Variants in TAP2 observed in about 807,000 individuals in gnomAD.
TAP2 encodes antigen peptide transporter 2.
Under a neutral mutation model 74.7 loss-of-function variants are expected in TAP2, and 49 were observed. The ratio of observed to expected loss-of-function variants is 0.66; its 90% CI spans 0.52 to 0.83. TAP2 has a LOEUF of 0.83. TAP2 is among the 40% of genes least tolerant of loss of function. The pLI is 0.00. For missense variants in TAP2, 739 were observed against 859.0 expected (o/e 0.86, Z 1.75); for synonymous variants, 306 against 368.4 (o/e 0.83, Z 1.94).
At chr6:32,822,322 G>T, downstream of TAP2, 1 of 1,326,724 alleles carries the variant, frequency 7.5e-7, no homozygotes, top group Non-Finnish European at 1.0e-6. Context: ...GGGTTTTCTA[G>T]AAAAAAAAAA....
At position 32,825,918 on chromosome 6, in the gene TAP2, G is replaced by T. The variant is rs931276673; in HGVS notation, c.*2988C>A. The T allele has an allele frequency of 4.6e-6, 4 of 869,214 alleles. No homozygotes were observed. The highest frequency in any genetic ancestry group is 5.5e-6 in the Non-Finnish European group (4 of 724,530). 53.8% of individuals were successfully genotyped at this position (869,214 alleles called of 1,614,324 possible). ...ACATAGAATTATCTTGAAAAATAAGGTAAGAAGACAGGTTTCAGATACTTG... is the reference window on the plus strand; with the variant it reads ...ACATAGAATTATCTTGAAAAATAAGTTAAGAAGACAGGTTTCAGATACTTG... On this transcript the variant is annotated 3_prime_UTR_variant, in exon 12 of 12. Transcript: ENST00000374897.
In TAP2 at chr6:32,825,890, G is replaced by T; in HGVS notation, c.*3016C>A. 1 of 705,624 alleles carries T rather than the reference G, an allele frequency of 1.4e-6. No homozygotes were observed. The highest frequency in any genetic ancestry group is 1.7e-6 in the Non-Finnish European group (1 of 575,264). 43.7% of individuals were successfully genotyped at this position (705,624 alleles called of 1,614,324 possible). On this transcript the variant is annotated 3_prime_UTR_variant, in exon 12 of 12. Transcript: ENST00000374897. ...TCTTAGAATTGAGATAGTAATACCT[G>T]CCACATAGAATTATCTTGAAAAATA... is the stretch of plus-strand genomic sequence containing the variant.
downstream of TAP2, among the ~76,000 whole-genome samples, chr6:32,824,443 C>T (rs1221257913): frequency 1.3e-5 from 2 of 152,032 alleles, no homozygotes; most frequent in Non-Finnish European, 2.9e-5. Context: ...TTATGAAGGG[C>T]ATATAACTGG....
chr6:32,829,456 G>A lies in TAP2; in HGVS notation c.1876C>T (p.Arg626Trp), dbSNP rs779709832. 6.8e-6 allele frequency: 11 copies of A among 1,613,444 alleles called. No individual in the cohort carries two copies. The highest frequency in any genetic ancestry group is 5.0e-5 in the Admixed American group (3 of 59,946). Residue 626 changes from arginine to tryptophan, a missense_variant, in exon 11 of 12, where the codon CGG (arginine) becomes TGG (tryptophan). By Grantham distance (101) the Arg-to-Trp change is moderately radical. Transcript: ENST00000374897. The stretch of plus-strand genomic sequence containing the variant: ...GTAGCCTCATCCAGGATGAGGACCC[G>A]CGGGTCTCGTACAAGGGCCCGGGCA... ...AIARALVRDP[R>W]VLILDEATSA...
rs1768694552 is a variant in TAP2, at chr6:32,827,031, C to T, written c.*1875G>A. 3.0e-6 allele frequency: 3 copies of T among 985,320 alleles called. No individual in the cohort carries two copies. Among genetic ancestry groups the T allele is most frequent in the Non-Finnish European group, 3.6e-6 (3 of 829,928 alleles). 61.0% of individuals were successfully genotyped at this position (985,320 alleles called of 1,614,324 possible). A position where few individuals can be genotyped will look rare whatever the true frequency, so the allele number is the denominator to read the frequency against. On this transcript the variant is annotated 3_prime_UTR_variant, in exon 12 of 12. Transcript: ENST00000374897. Reference sequence around the variant, plus strand: ...ATGGGTGTGGAGCTGCAAGTCAGCCCCAGGATGAAAGAAAGGCAAATCTGC... The same window carrying T: ...ATGGGTGTGGAGCTGCAAGTCAGCCTCAGGATGAAAGAAAGGCAAATCTGC...
At chr6:32,830,534 G>A in intron 8 of TAP2, 84 bp downstream of exon 8, 2 of 1,599,934 alleles carry the variant, frequency 1.3e-6, no homozygotes, top group Non-Finnish European at 1.7e-6. Context: ...GGTTCTCAGA[G>A]GCAAATGAAC....
Position 32,832,312 on chromosome 6 carries a change from C to T in TAP2, c.1272+21G>A. On this transcript the variant is annotated intron_variant, in intron 7 of 11. Coordinates refer to ENST00000374897, the MANE Select transcript of TAP2 (RefSeq NM_001290043.2). This position sits in a 1 kb window ranked among gnomAD's most constrained non-coding sequence, Gnocchi z 5.9. ...GAAAAAGAGAGGGAAAAAAGGAGAG[C>T]AGGCTTGGCTTCTCGCTCACCTGCA... 6.2e-7 allele frequency: 1 copy of T among 1,612,954 alleles called. No individual in the cohort carries two copies. The highest frequency in any genetic ancestry group is 8.5e-7 in the Non-Finnish European group (1 of 1,180,010).
downstream of TAP2, among the ~76,000 whole-genome samples, chr6:32,824,434 T>C (rs1253579681): frequency 1.3e-5 from 2 of 152,162 alleles, no homozygotes; most frequent in East Asian, 1.9e-4. Flanking sequence ...CTTGTGATCT[T>C]ATGAAGGGCA....
In TAP2 at chr6:32,837,611, G is replaced by A. The variant is rs1769501152; in HGVS notation, c.534C>T (p.Asp178=). 1 of 1,614,148 alleles carries A rather than the reference G, an allele frequency of 6.2e-7. No individual in the cohort carries two copies. The highest frequency in any genetic ancestry group is 2.2e-5 in the East Asian group (1 of 44,886). ...LIPHYSGRVI[D]ILGGDFDPHA... is the part of the protein sequence containing the mutation. ...GGGGGTCAAAATCACCTCCCAGGAT[G>A]TCAATCACACGACCAGAATAGTGAG... The change falls in exon 3 of 12, where the codon GAC becomes GAT. Residue 178 remains aspartate (D), a synonymous_variant. Transcript: ENST00000374897.
In TAP2 at chr6:32,830,358, A is replaced by C; in HGVS notation, c.1544T>G (p.Leu515Arg). 1.2e-6 allele frequency: 2 copies of C among 1,613,076 alleles called. No individual in the cohort carries two copies. The highest frequency in any genetic ancestry group is 1.7e-6 in the Non-Finnish European group (2 of 1,180,022). The change falls in exon 9 of 12, where the codon CTG becomes CGG. Residue 515 changes from leucine to arginine, a missense_variant. By Grantham distance (102) the Leu-to-Arg change is moderately radical. Transcript: ENST00000374897. ...TGTGGGCTGGTACAGATTCTGCAGC[A>C]GGGCAGCCACTGTGCTCTTCCCAGA... ...NGSGKSTVAA[L>R]LQNLYQPTGG...
At chr6:32,833,406 G>A (rs1369653790) in intron 5 of TAP2, among the ~76,000 whole-genome samples, 1 of 152,030 alleles carries the variant, frequency 6.6e-6, no homozygotes, top group African/African-American at 2.4e-5. Flanking sequence ...ATATCTGATA[G>A]GAAATTAATA....
rs919087105 is a variant in TAP2 at position 32,835,908 on chromosome 6, G to T, written c.609-135C>A. On this transcript the variant is annotated intron_variant, in intron 3 of 11. Transcript: ENST00000374897. This position sits in a 1 kb window ranked among gnomAD's most constrained non-coding sequence, Gnocchi z 4.0. ...CATGCCAGGAGGGGCAAAAGAGAAA[G>T]AAATGAGAGACAGACACACAGAGAG... 2.8e-6 allele frequency: 3 copies of T among 1,062,490 alleles called. No individual in the cohort carries two copies. Among genetic ancestry groups the T allele is most frequent in the African/African-American group, 3.1e-5 (2 of 63,826 alleles). The allele number at this position is 1,062,490 out of a possible 1,614,324, so 65.8% of individuals were successfully genotyped here.
In TAP2 at chr6:32,830,389, T is replaced by G. The variant is rs1366181760; in HGVS notation, c.1513A>C (p.Asn505His). Residue 505 changes from asparagine to histidine, a missense_variant, in exon 9 of 12, where the codon AAT (asparagine) becomes CAT (histidine). Transcript: ENST00000374897. ...PGEVTALVGP[N>H]GSGKSTVAAL... ...GCCACTGTGCTCTTCCCAGACCCATTGGGTCCCACCAGCGCCGTCACCTCA... is the reference window on the plus strand; with the variant it reads ...GCCACTGTGCTCTTCCCAGACCCATGGGGTCCCACCAGCGCCGTCACCTCA... 6.2e-7 allele frequency: 1 copy of G among 1,613,052 alleles called. No homozygotes were observed. The highest frequency in any genetic ancestry group is 8.5e-7 in the Non-Finnish European group (1 of 1,180,014).
At position 32,832,265 on chromosome 6, in the gene TAP2, C is replaced by T. The variant is rs1769126557; in HGVS notation, c.1272+68G>A. 2 of 1,609,188 alleles carry T rather than the reference C, an allele frequency of 1.2e-6. No individual in the cohort carries two copies. The highest frequency in any genetic ancestry group is 2.2e-5 in the East Asian group (1 of 44,880). On this transcript the variant is annotated intron_variant, in intron 7 of 11. Coordinates refer to ENST00000374897, the MANE Select transcript of TAP2 (RefSeq NM_001290043.2). The surrounding 1 kb of genome is among the most constrained non-coding windows in gnomAD (Gnocchi z 5.9). ...TATTGTTAAAAAGAACAAATAAAGC[C>T]CAAGGCCCAGGAGTCCACAAAGAAA...
Position 32,828,675 on chromosome 6 carries a change from G to GCCGGC in TAP2, c.*230_*231insGCCGG. ...GAATTAAGTTTCCTGGACACAGACA[G>GCCGGC]CCCCCACCCCACCCCACCCCACCTC... On this transcript the variant is annotated 3_prime_UTR_variant, in exon 12 of 12. Transcript: ENST00000374897. 3.4e-6 allele frequency: 3 copies of GCCGGC among 884,276 alleles called. No individual in the cohort carries two copies. Among genetic ancestry groups the GCCGGC allele is most frequent in the Non-Finnish European group, 4.1e-6 (3 of 735,238 alleles). 54.8% of individuals were successfully genotyped at this position (884,276 alleles called of 1,614,324 possible).
chr6:32,829,014 A>G lies in TAP2; in HGVS notation c.1953T>C (p.Arg651=), dbSNP rs1383323157. Residue 651 remains arginine (R), a synonymous_variant, in exon 12 of 12, where the codon CGT becomes CGC. Transcript: ENST00000374897. ...CEQALQDWNS[R]GDRTVLVIAH... is the part of the protein sequence containing the mutation. Reference sequence around the variant, plus strand: ...CAATCACCAGCACTGTGCGATCCCCACGGGAATTCCAGTCCTGCAGCTGAA... The same window carrying G: ...CAATCACCAGCACTGTGCGATCCCCGCGGGAATTCCAGTCCTGCAGCTGAA... 1 of 1,550,272 alleles carries G rather than the reference A, an allele frequency of 6.5e-7. No individual in the cohort carries two copies. The highest frequency in any genetic ancestry group is 8.7e-7 in the Non-Finnish European group (1 of 1,147,026).
At position 32,838,292 on chromosome 6, in the gene TAP2, C is replaced by G. The variant is rs562080903; in HGVS notation, c.-4-55G>C. 4.0e-6 allele frequency: 6 copies of G among 1,501,572 alleles called. No homozygotes were observed. In the South Asian group the frequency reaches 6.8e-5, roughly 17 times the overall value. 93.0% of individuals were successfully genotyped at this position (1,501,572 alleles called of 1,614,324 possible). A position where few individuals can be genotyped will look rare whatever the true frequency, so the allele number is the denominator to read the frequency against. On this transcript the variant is annotated intron_variant, in intron 1 of 11. Coordinates refer to ENST00000374897, the MANE Select transcript of TAP2 (RefSeq NM_001290043.2). ...GGGGGTGGAGTCCCAATCCTTGTCC[C>G]TGCCCTCCTACCCGCCCGGCTCCGC... is the stretch of plus-strand genomic sequence containing the variant.
rs1473359173 is a variant in TAP2 at position 32,832,424 on chromosome 6, C to A, written c.1181G>T (p.Cys394Phe). 6.2e-7 allele frequency: 1 copy of A among 1,612,936 alleles called. No homozygotes were observed. The highest frequency in any genetic ancestry group is 1.1e-5 in the South Asian group (1 of 91,046). The change falls in exon 7 of 12, where the codon TGT becomes TTT. Residue 394 changes from cysteine (C) to phenylalanine (F), a missense_variant. Cys to Phe is a radical substitution (Grantham distance 205). Transcript: ENST00000374897. This position sits in a 1 kb window ranked among gnomAD's most constrained non-coding sequence, Gnocchi z 5.9. Reference sequence around the variant, plus strand: ...CCCATCCTGCATCTGCTGCAGCCCACAGCTCAGCATCAGCATCTGCACCCC... The same window carrying A: ...CCCATCCTGCATCTGCTGCAGCCCAAAGCTCAGCATCAGCATCTGCACCCC... ...HLGVQMLMLSCGLQQMQDGEL... is the reference protein window; with the variant it reads ...HLGVQMLMLSFGLQQMQDGEL...
chr6:32,835,798 G>C lies in TAP2; in HGVS notation c.609-25C>G, dbSNP rs558989206. On this transcript the variant is annotated intron_variant, in intron 3 of 11. Coordinates refer to ENST00000374897, the MANE Select transcript of TAP2 (RefSeq NM_001290043.2). This position sits in a 1 kb window ranked among gnomAD's most constrained non-coding sequence, Gnocchi z 4.0. ...GCTGTGGGGTAGGAGAATAAGAGGG[G>C]AGGGAGATGCAGAGAAGGAGCAAGC... 3 of 1,613,098 alleles carry C rather than the reference G, an allele frequency of 1.9e-6. No homozygotes were observed. The highest frequency in any genetic ancestry group is 1.3e-5 in the African/African-American group (1 of 75,036).
Sources: allele counts gnomAD v4.1 joint callset (sites outside exome capture counted in the v4.1 genomes callset), GRCh38; gene constraint gnomAD v4.1.1; non-coding constraint Gnocchi (gnomAD v3.1); transcripts MANE v1.5; gene names NCBI Gene and HGNC (gene_info 2026-07-23, HGNC 2026-07-21).